Variants in ZNF117 observed in about 807,000 individuals in gnomAD.
The protein encoded by ZNF117 is zinc finger protein 117.
In ZNF117, 37 loss-of-function variants were observed where a neutral mutation model predicts 41.2. The ratio of observed to expected loss-of-function variants is 0.90; its 90% CI spans 0.69 to 1.18. The LOEUF (loss-of-function observed/expected upper bound fraction) is 1.18. ZNF117 is among the 50% of genes most tolerant of loss of function. The probability of loss-of-function intolerance (pLI) is 0.00; values close to 1 mark genes in which losing one functional copy is unlikely to be tolerated. For synonymous variants in ZNF117, 186 were observed against 186.6 expected (o/e 1.00, Z 0.02); for missense variants, 546 against 557.5 (o/e 0.98, Z 0.21).
intron 2 of ZNF117, chr7:64,980,123 A>G (rs1415417846): frequency 6.6e-6 from 1 of 152,540 alleles, no homozygotes; most frequent in Non-Finnish European, 1.5e-5. Flanking sequence ...AAACATGAAT[A>G]AAGTCTTTTA....
downstream of ZNF117, chr7:64,972,904 T>C (rs553325573): frequency 5.9e-5 from 9 of 152,188 alleles, no homozygotes; most frequent in African/African-American, 1.9e-4. Flanking sequence ...AAAGTACACA[T>C]TTATTTATTA....
At chr7:64,981,595 A>G in intron 1 of ZNF117, 113 bp from the exon 3 acceptor site, 6 of 940,146 alleles carry the variant, frequency 6.4e-6, no homozygotes, top group Admixed American at 2.8e-5. Flanking sequence ...TTAATCCCCA[A>G]ATGCTAATTT....
In ZNF117 at chr7:64,978,762, AT is replaced by A; in HGVS notation, c.808del (p.Ile270PhefsTer84). On this transcript the variant is annotated frameshift_variant, in exon 3 of 3. Coordinates refer to ENST00000620222, the Ensembl canonical transcript of ZNF117. LOFTEE classifies it high-confidence loss of function. ...TTTGTACAGCTTCTCTCCAGTATGAATGTACTTATGTTCAGTAAGTTTTGAG... is the reference window on the plus strand; with the variant it reads ...TTTGTACAGCTTCTCTCCAGTATGAAGTACTTATGTTCAGTAAGTTTTGAG... 6.2e-7 allele frequency: 1 copy of A among 1,613,332 alleles called. No individual in the cohort carries two copies. The highest frequency in any genetic ancestry group is 1.1e-5 in the South Asian group (1 of 91,052).
exon 3 of ZNF117, chr7:64,979,102 T>C (rs1378485471): frequency 6.2e-7 from 1 of 1,612,918 alleles, no homozygotes; most frequent in African/African-American, 1.3e-5. Context: ...GTATGAATTC[T>C]CTTATGTTTA....
chr7:64,983,092 G>A (rs994708383), upstream of ZNF117, among the ~76,000 whole-genome samples: 1 of 152,134 alleles, frequency 6.6e-6, no homozygotes, highest in Admixed American at 6.5e-5. Context: ...TAAAGAGCAG[G>A]TATCTATCTC....
chr7:64,974,805 C>T (rs887224576), exon 3 of ZNF117: 21 of 151,784 alleles, frequency 1.4e-4, no homozygotes, highest in African/African-American at 4.6e-4. Context: ...TAGCAATTTA[C>T]TTGTACATTT....
exon 3 of ZNF117, chr7:64,977,644 A>C: frequency 1.3e-6 from 1 of 745,216 alleles, no homozygotes. Context: ...CATTCTTCAC[A>C]CTTGTAGGGT....
downstream of ZNF117, chr7:64,972,217 T>G (rs997405169): frequency 6.6e-6 from 1 of 152,034 alleles, no homozygotes; most frequent in African/African-American, 2.4e-5. Flanking sequence ...CACTGTTGGT[T>G]TGAATGTGAA....
downstream of ZNF117, chr7:64,973,709 AAGAAGG>A (rs1384733267): frequency 6.6e-6 from 1 of 151,974 alleles, no homozygotes; most frequent in African/African-American, 2.4e-5. Context: ...CACATAGAAA[AAGAAGG>A]AGAAGGGCTG....
At chr7:64,976,044 T>TA (rs1260697045) in exon 3 of ZNF117, 1 of 152,218 alleles carries the variant, frequency 6.6e-6, no homozygotes. Flanking sequence ...GATTTTCCTT[T>TA]AGTACATAAT....
chr7:64,981,267 C>G, intron 2 of ZNF117, 120 bp downstream of exon 3: 1 of 1,305,352 alleles, frequency 7.7e-7, no homozygotes, highest in South Asian at 1.3e-5. Context: ...AAAAAAAACT[C>G]GGGCTTTCCA....
At chr7:64,976,080 A>G (rs9638214) in exon 3 of ZNF117, 144,394 of 152,264 alleles carry the variant, frequency 0.95, 68,952 homozygotes, top group East Asian at 1. Flanking sequence ...TGTGATACAA[A>G]TAAAGACACT....
At chr7:64,978,695 A>G (rs751058219) in exon 3 of ZNF117, 2 of 1,612,868 alleles carry the variant, frequency 1.2e-6, no homozygotes, top group Non-Finnish European at 1.7e-6. Context: ...TATGTGTAGT[A>G]AGGGTTGAGG....
chr7:64,983,989 A>G (rs1786084844), upstream of ZNF117, among the ~76,000 whole-genome samples: 1 of 152,246 alleles, frequency 6.6e-6, no homozygotes, highest in Non-Finnish European at 1.5e-5. Context: ...AGCTACTCTC[A>G]GCATGAGAAA....
At chr7:64,976,873 C>T in exon 3 of ZNF117, 2 of 475,280 alleles carry the variant, frequency 4.2e-6, no homozygotes, top group South Asian at 1.5e-5. Context: ...TAGTTACAAG[C>T]ATTGCCACAT....
chr7:64,983,450 TA>T (rs1786073502), upstream of ZNF117, among the ~76,000 whole-genome samples: 1 of 152,222 alleles, frequency 6.6e-6, no homozygotes. Flanking sequence ...ATAAGAATTT[TA>T]AAAAGTAGTT....
In ZNF117 at chr7:64,976,761, T is replaced by A. The variant is rs1216362240; in HGVS notation, c.*1358A>T. The A allele has an allele frequency of 2.8e-5, 10 of 362,330 alleles. No individual in the cohort carries two copies. The Middle Eastern group carries it at 2.0e-3, about 74-fold the overall frequency. The allele number at this position is 362,330 out of a possible 1,614,324, so 22.4% of individuals were successfully genotyped here. A position where few individuals can be genotyped will look rare whatever the true frequency, so the allele number is the denominator to read the frequency against. The stretch of plus-strand genomic sequence containing the variant: ...TTTCTCACCAGTATGATTTATTTTA[T>A]GTTTAGAAAAGTTTGAAGGTGTTGT... On this transcript the variant is annotated 3_prime_UTR_variant, in exon 3 of 3. Transcript: ENST00000620222.
downstream of ZNF117, chr7:64,972,736 G>A (rs201149805): frequency 6.6e-6 from 1 of 152,038 alleles, no homozygotes; most frequent in East Asian, 1.9e-4. Flanking sequence ...GTACAGCATA[G>A]TGACTACAGA....
At position 64,978,303 on chromosome 7, in the gene ZNF117, CCA is replaced by C; in HGVS notation, c.1266_1267del (p.Cys422TrpfsTer5). 6.2e-7 allele frequency: 1 copy of C among 1,607,204 alleles called. No homozygotes were observed. The highest frequency in any genetic ancestry group is 8.5e-7 in the Non-Finnish European group (1 of 1,175,310). ...GGTTGAAGATCGGTTAAAGGCTTTG[CCA>C]CATTCTTCACATTTGTAGAGTTTCT... On this transcript the variant is annotated frameshift_variant, in exon 3 of 3. Transcript: ENST00000620222. LOFTEE classifies it high-confidence loss of function.
Sources: gnomAD v4.1 joint callset for allele counts (sites outside exome capture counted in the v4.1 genomes callset) on GRCh38, gnomAD v4.1.1 for gene constraint, MANE v1.5 for transcripts, NCBI Gene and HGNC (gene_info 2026-07-23, HGNC 2026-07-21) for gene names.